The following SATB1 variants were observed in gnomAD, a reference collection of about 807,000 sequenced individuals.
The protein encoded by SATB1 is DNA-binding protein SATB1.
A neutral mutation model predicts 86.9 loss-of-function variants in SATB1; 11 were observed. That is an observed-to-expected ratio of 0.13 (90% confidence interval 0.08 to 0.21). The LOEUF is 0.21. SATB1 is among the 10% of genes least tolerant of loss of function. The pLI, the probability that SATB1 is intolerant of heterozygous loss-of-function variation, is 1.00. For missense variants in SATB1, 551 were observed against 937.6 expected (o/e 0.59, Z 5.39); for synonymous variants, 357 against 357.2 (o/e 1.00, Z 0.01).
rs1358687971 is a variant in SATB1 at position 18,424,013 on chromosome 3, T to G, written c.-411A>C. 1 of 151,672 alleles carries G rather than the reference T, an allele frequency of 6.6e-6. No individual in the cohort carries two copies. The highest frequency in any genetic ancestry group is 1.5e-5 in the Non-Finnish European group (1 of 68,028). 9.4% of individuals were successfully genotyped at this position (151,672 alleles called of 1,614,324 possible). A position where few individuals can be genotyped will look rare whatever the true frequency, so the allele number is the denominator to read the frequency against. On this transcript the variant is annotated 5_prime_UTR_variant, in exon 1 of 11. Transcript: ENST00000338745. ...GGGAGGAGGAAGAAGATAAAATTGA[T>G]CTGACAAGTGATTCGTTGGGGGGAA... is the stretch of plus-strand genomic sequence containing the variant.
chr3:18,444,729 C>G lies in SATB1; in HGVS notation c.-25+789G>C, dbSNP rs1342394122. On this transcript the variant is annotated intron_variant, in intron 1 of 3. Coordinates refer to the SATB1 transcript ENST00000415069. This position sits in a 1 kb window ranked among gnomAD's most constrained non-coding sequence, Gnocchi z 5.1. ...CGGCGGCTTCTGCCTCTCCTGCCGC[C>G]GCCGCCGCCGCCGGAGCTGCGGCTG... is the stretch of plus-strand genomic sequence containing the variant. The G allele has an allele frequency of 2.4e-6, 2 of 822,006 alleles. No homozygotes were observed. Among genetic ancestry groups the G allele is most frequent in the African/African-American group, 3.7e-5 (2 of 53,762 alleles). 50.9% of individuals were successfully genotyped at this position (822,006 alleles called of 1,614,324 possible). A position where few individuals can be genotyped will look rare whatever the true frequency, so the allele number is the denominator to read the frequency against.
intron 1 of SATB1, among the ~76,000 whole-genome samples, chr3:18,422,958 C>CA (rs563478849): frequency 1.3e-5 from 2 of 152,274 alleles, no homozygotes; most frequent in South Asian, 2.1e-4. Context: ...TTTGAATACC[C>CA]ACCTATAAGC....
chr3:18,439,390 A>G (rs1047440478), upstream of SATB1, among the ~76,000 whole-genome samples: 1 of 152,228 alleles, frequency 6.6e-6, no homozygotes, highest in Non-Finnish European at 1.5e-5. Flanking sequence ...ATATATACAC[A>G]CACAATCTGT....
At chr3:18,370,561 AAAAAG>A (rs1222795511) in intron 9 of SATB1, among the ~76,000 whole-genome samples, 45 of 142,564 alleles carry the variant, frequency 3.2e-4, no homozygotes, top group African/African-American at 6.9e-4. Flanking sequence ...AAGAAAAAAG[AAAAAG>A]AAAAGAAAAG....
In SATB1 at chr3:18,386,127, G is replaced by A. The variant is rs1252120854; in HGVS notation, c.1419+272C>T. Among the ~76,000 whole-genome samples, 3 of 151,998 alleles carry A rather than the reference G, an allele frequency of 2.0e-5. No individual in the cohort carries two copies. The highest frequency in any genetic ancestry group is 2.9e-5 in the Non-Finnish European group (2 of 67,998). On this transcript the variant is annotated intron_variant, in intron 8 of 10. Transcript: ENST00000338745. This position sits in a 1 kb window ranked among gnomAD's most constrained non-coding sequence, Gnocchi z 4.5. The stretch of plus-strand genomic sequence containing the variant: ...AATACTTTACTTAATAACAACAGTA[G>A]AGACAAATATCCCATTTAAAGACTA...
chr3:18,379,854 A>C (rs569334876), intron 8 of SATB1, among the ~76,000 whole-genome samples: 1 of 152,294 alleles, frequency 6.6e-6, no homozygotes, highest in South Asian at 2.1e-4. Flanking sequence ...AGGTGACCAA[A>C]GGTGGGGCCT....
At chr3:18,366,688 G>C (rs1214658721) in intron 9 of SATB1, among the ~76,000 whole-genome samples, 3 of 152,092 alleles carry the variant, frequency 2.0e-5, no homozygotes, top group Non-Finnish European at 4.4e-5. Context: ...TATGATAATA[G>C]GGAGAGTTCC....
At chr3:18,381,699 T>C (rs1696073206) in intron 8 of SATB1, among the ~76,000 whole-genome samples, 1 of 152,138 alleles carries the variant, frequency 6.6e-6, no homozygotes, top group Admixed American at 6.5e-5. Flanking sequence ...TAATGTCTAA[T>C]TTTTTAATAG....
chr3:18,353,945 G>A (rs551118871), intron 9 of SATB1, among the ~76,000 whole-genome samples: 5 of 152,146 alleles, frequency 3.3e-5, no homozygotes, highest in Non-Finnish European at 7.4e-5. Flanking sequence ...TAAGACAGCA[G>A]GCAGTAAACT....
Position 18,348,301 on chromosome 3 carries a change from T to A in SATB1, c.*869A>T, listed in dbSNP as rs1230595893. ...AAGCTTATAGTATGAATTGCTTGGA[T>A]AACATAGAGCACTTTTTATAGGCAA... On this transcript the variant is annotated 3_prime_UTR_variant, in exon 11 of 11. Transcript: ENST00000338745. 6.6e-6 allele frequency: 1 copy of A among 152,656 alleles called. No homozygotes were observed. The highest frequency in any genetic ancestry group is 1.5e-5 in the Non-Finnish European group (1 of 68,018). The allele number at this position is 152,656 out of a possible 1,614,324, so 9.5% of individuals were successfully genotyped here.
intron 5 of SATB1, among the ~76,000 whole-genome samples, chr3:18,404,534 G>A (rs1697424311): frequency 6.6e-6 from 1 of 151,948 alleles, no homozygotes; most frequent in Non-Finnish European, 1.5e-5. Context: ...GAAGCACAAA[G>A]AGAACACATC....
At chr3:18,370,539 G>GAAAA in intron 9 of SATB1, among the ~76,000 whole-genome samples, 1 of 90,678 alleles carries the variant, frequency 1.1e-5, no homozygotes, top group Non-Finnish European at 2.4e-5. Flanking sequence ...AAAAAAAAGA[G>GAAAA]GAAAAACAAA....
At chr3:18,385,075 T>C (rs1243729006) in intron 8 of SATB1, among the ~76,000 whole-genome samples, 1 of 152,238 alleles carries the variant, frequency 6.6e-6, no homozygotes, top group Non-Finnish European at 1.5e-5. Flanking sequence ...AACAAGTGGC[T>C]AAATATTTCT....
At chr3:18,367,611 G>A (rs998747648) in intron 9 of SATB1, among the ~76,000 whole-genome samples, 3 of 152,096 alleles carry the variant, frequency 2.0e-5, no homozygotes, top group East Asian at 1.9e-4. Context: ...TCTTTGAAAC[G>A]CAGGATTCTT....
chr3:18,443,710 C>T lies in SATB1; in HGVS notation c.-25+1808G>A, dbSNP rs1028122173. 1.3e-5 allele frequency among the ~76,000 whole-genome samples: 2 copies of T among 152,190 alleles called. No individual in the cohort carries two copies. Among genetic ancestry groups the T allele is most frequent in the African/African-American group, 2.4e-5 (1 of 41,430 alleles). On this transcript the variant is annotated intron_variant, in intron 1 of 3. Transcript: ENST00000415069. This position sits in a 1 kb window ranked among gnomAD's most constrained non-coding sequence, Gnocchi z 4.4. ...GTGGTTTCCCAAACCCCGGTTCTGC[C>T]GGCCCGGGAGCCTTAGCACTGGAGC... is the stretch of plus-strand genomic sequence containing the variant.
At position 18,416,030 on chromosome 3, in the gene SATB1, G is replaced by A. The variant is rs768455394; in HGVS notation, c.492C>T (p.Val164=). Residue 164 remains valine, a synonymous_variant, in exon 4 of 11, where the codon GTC becomes GTT. Coordinates refer to ENST00000338745, the MANE Select transcript of SATB1 (RefSeq NM_002971.6). ...ACCTGTGTAACTGAATTTTCAATGT[G>A]ACCACATGATACACATCTTGAAGCA... ...ADMLQDVYHV[V]TLKIQLHSCP... 2.5e-6 allele frequency: 4 copies of A among 1,603,214 alleles called. No homozygotes were observed. Among genetic ancestry groups the A allele is most frequent in the South Asian group, 1.1e-5 (1 of 89,768 alleles).
intron 1 of SATB1, among the ~76,000 whole-genome samples, chr3:18,437,630 A>G (rs144112632): frequency 1.3e-5 from 2 of 152,284 alleles, no homozygotes; most frequent in African/African-American, 4.8e-5. Flanking sequence ...CTTTTAAGAT[A>G]ATGTTCTAAA....
At chr3:18,442,863 T>C (rs1699276090), upstream of SATB1, among the ~76,000 whole-genome samples, 1 of 152,236 alleles carries the variant, frequency 6.6e-6, no homozygotes, top group African/African-American at 2.4e-5. Flanking sequence ...TGAATGCTAA[T>C]GTTTGCCAGC....
chr3:18,409,196 A>G (rs553339650), intron 5 of SATB1: 16 of 152,084 alleles, frequency 1.1e-4, no homozygotes, highest in Admixed American at 1.0e-3. Context: ...TAGTGGCTAT[A>G]AAATATTTGA....
Sources: gnomAD v4.1 joint callset for allele counts (sites outside exome capture counted in the v4.1 genomes callset) on GRCh38, gnomAD v4.1.1 for gene constraint, Gnocchi (gnomAD v3.1) non-coding constraint, MANE v1.5 for transcripts, NCBI Gene and HGNC (gene_info 2026-07-23, HGNC 2026-07-21) for gene names.